Variants in OR3A2 observed in about 807,000 individuals in gnomAD.
OR3A2 encodes olfactory receptor 3A2.
For missense variants in OR3A2, 318 were observed against 392.8 expected (o/e 0.81, Z 1.61); for synonymous variants, 126 against 159.3 (o/e 0.79, Z 1.57).
At chr17:3,366,476 T>C (rs1251313405) in intron 2 of OR3A2, among the ~76,000 whole-genome samples, 1 of 152,212 alleles carries the variant, frequency 6.6e-6, no homozygotes, top group African/African-American at 2.4e-5. Context: ...AGTTCCTGGA[T>C]GCCACAAAAG....
At chr17:3,372,697 G>A (rs62091314) in intron 2 of OR3A2, among the ~76,000 whole-genome samples, 60,066 of 151,386 alleles carry the variant, frequency 0.4, 12,325 homozygotes, top group Admixed American at 0.51. Context: ...GGCGGCGCGC[G>A]CCTGCAATCG....
At chr17:3,385,694 GA>G (rs2049771547) in intron 1 of OR3A2, among the ~76,000 whole-genome samples, 1 of 152,144 alleles carries the variant, frequency 6.6e-6, no homozygotes, top group Non-Finnish European at 1.5e-5. Context: ...CAAAGTCTGA[GA>G]GTTACCCACT....
At chr17:3,374,014 C>T (rs555473471) in intron 2 of OR3A2, among the ~76,000 whole-genome samples, 1 of 152,278 alleles carries the variant, frequency 6.6e-6, no homozygotes, top group East Asian at 1.9e-4. Context: ...ATTCTCTTAA[C>T]ATTTGTCAGT....
chr17:3,372,242 T>G (rs230399), intron 2 of OR3A2, among the ~76,000 whole-genome samples: 2 of 141,900 alleles, frequency 1.4e-5, no homozygotes, highest in South Asian at 2.4e-4. Context: ...CGGGCAGAGA[T>G]GCTCCTCACT....
chr17:3,339,391 T>C (rs1001061897), intron 2 of OR3A2, among the ~76,000 whole-genome samples: 13 of 152,228 alleles, frequency 8.5e-5, no homozygotes, highest in Non-Finnish European at 1.6e-4. Flanking sequence ...TTCAGAATGA[T>C]ACTGGCTGTG....
At position 3,311,717 on chromosome 17, in the gene OR3A2, G is replaced by A; in HGVS notation, c.-85+24316C>T. The stretch of plus-strand genomic sequence containing the variant: ...GGGAGGAAGAAGGCTTTCTCCACAT[G>A]TGGCTCCCACCTCACTGTGGTCTGA... On this transcript the variant is annotated intron_variant, in intron 3 of 4. Transcript: ENST00000573491. The surrounding 1 kb of genome is among the most constrained non-coding windows in gnomAD (Gnocchi z 4.6). The A allele has an allele frequency of 3.6e-6, 1 of 277,272 alleles. No individual in the cohort carries two copies. Among genetic ancestry groups the A allele is most frequent in the South Asian group, 5.0e-5 (1 of 19,962 alleles). 17.2% of individuals were successfully genotyped at this position (277,272 alleles called of 1,614,324 possible). A position where few individuals can be genotyped will look rare whatever the true frequency, so the allele number is the denominator to read the frequency against.
intron 1 of OR3A2, among the ~76,000 whole-genome samples, chr17:3,384,801 G>T (rs1265097566): frequency 2.0e-5 from 3 of 151,984 alleles, no homozygotes; most frequent in Non-Finnish European, 2.9e-5. Context: ...TTTGTTGATG[G>T]CTGCTTTTGC....
intron 2 of OR3A2, among the ~76,000 whole-genome samples, chr17:3,340,004 G>T (rs916869482): frequency 6.6e-6 from 1 of 152,084 alleles, no homozygotes; most frequent in Non-Finnish European, 1.5e-5. Flanking sequence ...GTCTTGGGAA[G>T]GTGTATGTGT....
At chr17:3,381,414 C>T (rs767000504) in intron 2 of OR3A2, among the ~76,000 whole-genome samples, 10 of 152,066 alleles carry the variant, frequency 6.6e-5, no homozygotes, top group South Asian at 4.2e-4. Context: ...AAAGCAGACA[C>T]CTGCCTGACC....
intron 2 of OR3A2, among the ~76,000 whole-genome samples, chr17:3,363,381 G>C (rs1042772141): frequency 1.3e-5 from 2 of 151,778 alleles, no homozygotes; most frequent in African/African-American, 2.4e-5. Context: ...TCTAGGGCAG[G>C]AGCAACATGC....
At chr17:3,276,287 T>C (rs2150613634), downstream of OR3A2, among the ~76,000 whole-genome samples, 1 of 152,234 alleles carries the variant, frequency 6.6e-6, no homozygotes, top group African/African-American at 2.4e-5. Flanking sequence ...ATGTAAAAGA[T>C]TGTATGGCAC....
At chr17:3,308,571 G>C (rs755500829) in intron 3 of OR3A2, among the ~76,000 whole-genome samples, 1 of 152,152 alleles carries the variant, frequency 6.6e-6, no homozygotes, top group Non-Finnish European at 1.5e-5. Context: ...GCTTTCAAGC[G>C]CTACTCACGG....
At chr17:3,348,921 C>T (rs1305550515) in intron 2 of OR3A2, among the ~76,000 whole-genome samples, 1 of 151,892 alleles carries the variant, frequency 6.6e-6, no homozygotes, top group Non-Finnish European at 1.5e-5. Flanking sequence ...ATTTCATATC[C>T]AGCCAAACTA....
intron 1 of OR3A2, among the ~76,000 whole-genome samples, chr17:3,279,544 A>G (rs1374069559): frequency 6.6e-6 from 1 of 152,242 alleles, no homozygotes. Context: ...CTGTAATCCC[A>G]GCAGTTTGGG....
At chr17:3,320,217 A>G (rs1487183479) in intron 3 of OR3A2, among the ~76,000 whole-genome samples, 125 of 150,026 alleles carry the variant, frequency 8.3e-4, no homozygotes, top group Middle Eastern at 3.5e-3. Context: ...CCACTTTTTG[A>G]TGGGGTTGTT....
chr17:3,333,219 C>T (rs142555925), intron 3 of OR3A2, among the ~76,000 whole-genome samples: 2,371 of 152,232 alleles, frequency 0.016, 67 homozygotes, highest in African/African-American at 0.053. Flanking sequence ...GACTGAAATA[C>T]GCCCTGGTCT....
At chr17:3,318,262 T>C (rs963208571) in intron 3 of OR3A2, among the ~76,000 whole-genome samples, 1 of 152,202 alleles carries the variant, frequency 6.6e-6, no homozygotes, top group African/African-American at 2.4e-5. Context: ...TCTCTGCTAA[T>C]AAGGCCAGAG....
At chr17:3,376,047 G>A (rs2049680569) in intron 2 of OR3A2, among the ~76,000 whole-genome samples, 1 of 152,230 alleles carries the variant, frequency 6.6e-6, no homozygotes, top group Non-Finnish European at 1.5e-5. Context: ...TTGTAGTTTG[G>A]TTTAGTGCAC....
intron 2 of OR3A2, among the ~76,000 whole-genome samples, chr17:3,352,932 T>C (rs1163027162): frequency 6.6e-6 from 1 of 151,866 alleles, no homozygotes; most frequent in African/African-American, 2.4e-5. Context: ...TTATCAGTGT[T>C]TTACAGTTTT....
Sources: allele counts gnomAD v4.1 joint callset (sites outside exome capture counted in the v4.1 genomes callset), GRCh38; gene constraint gnomAD v4.1.1; non-coding constraint Gnocchi (gnomAD v3.1); transcripts MANE v1.5; gene names NCBI Gene and HGNC (gene_info 2026-07-23, HGNC 2026-07-21).